Variants in DSCAM observed in about 807,000 individuals in gnomAD.
The protein encoded by DSCAM is DS cell adhesion molecule.
A neutral mutation model predicts 217.7 loss-of-function variants in DSCAM; 47 were observed. That is an observed-to-expected ratio of 0.22 (90% CI 0.17 to 0.28). DSCAM has a LOEUF of 0.28. Ranked by LOEUF, DSCAM falls within the 10% of genes least tolerant of loss-of-function variation. The pLI is 1.00. For missense variants in DSCAM, 2,080 were observed against 2,618.3 expected (o/e 0.79, Z 4.49); for synonymous variants, 1,056 against 1,015.3 (o/e 1.04, Z -0.76).
At chr21:40,655,911 G>C (rs768479174) in intron 3 of DSCAM, among the ~76,000 whole-genome samples, 11 of 152,090 alleles carry the variant, frequency 7.2e-5, no homozygotes, top group Admixed American at 1.3e-4. Context: ...AAATTAGCCA[G>C]GTGTGGTGGT....
chr21:40,814,154 G>C (rs931568279), intron 1 of DSCAM, among the ~76,000 whole-genome samples: 2 of 152,160 alleles, frequency 1.3e-5, no homozygotes, highest in Non-Finnish European at 2.9e-5. Flanking sequence ...AATGCAACTG[G>C]AGCATACTAA....
chr21:40,572,085 GGTGTGTGT>G (rs10553285), intron 3 of DSCAM, among the ~76,000 whole-genome samples: 4,917 of 148,562 alleles, frequency 0.033, 182 homozygotes, highest in African/African-American at 0.089. Flanking sequence ...TGTGTGTGTG[GGTGTGTGT>G]GTGTGTGTGT....
chr21:40,745,573 C>T (rs1346478609), intron 1 of DSCAM, among the ~76,000 whole-genome samples: 6 of 152,070 alleles, frequency 3.9e-5, no homozygotes, highest in African/African-American at 1.4e-4. Context: ...CCTTCAAACA[C>T]AATGGAGAGA....
At chr21:40,453,456 G>A (rs191866141) in intron 3 of DSCAM, among the ~76,000 whole-genome samples, 6 of 152,190 alleles carry the variant, frequency 3.9e-5, no homozygotes, top group Admixed American at 6.5e-5. Context: ...TGCACAAAAC[G>A]CCTGCAACAA....
At chr21:40,767,683 G>A (rs933907821) in intron 1 of DSCAM, among the ~76,000 whole-genome samples, 3 of 152,230 alleles carry the variant, frequency 2.0e-5, no homozygotes, top group Non-Finnish European at 4.4e-5. Flanking sequence ...TTGAATGCCA[G>A]ATGCAAATGA....
intron 3 of DSCAM, among the ~76,000 whole-genome samples, chr21:40,427,541 C>T (rs1284764359): frequency 6.6e-6 from 1 of 152,188 alleles, no homozygotes; most frequent in Non-Finnish European, 1.5e-5. Flanking sequence ...ACAATGCCCA[C>T]CTGCAGTCAA....
intron 3 of DSCAM, among the ~76,000 whole-genome samples, chr21:40,671,892 G>A (rs1356253434): frequency 6.6e-6 from 1 of 152,118 alleles, no homozygotes; most frequent in Non-Finnish European, 1.5e-5. Context: ...AGTCATCTTA[G>A]GCTGCTGCAA....
At chr21:40,529,140 G>A (rs1248437396) in intron 3 of DSCAM, among the ~76,000 whole-genome samples, 1 of 151,908 alleles carries the variant, frequency 6.6e-6, no homozygotes, top group Admixed American at 6.6e-5. Flanking sequence ...TCCTGACCTC[G>A]TGATCCGCCC....
intron 3 of DSCAM, among the ~76,000 whole-genome samples, chr21:40,626,620 C>G (rs2089604713): frequency 6.6e-6 from 1 of 152,212 alleles, no homozygotes; most frequent in Non-Finnish European, 1.5e-5. Context: ...TCCAGCCATG[C>G]TGTCTTTTTG....
intron 8 of DSCAM, among the ~76,000 whole-genome samples, chr21:40,318,385 C>T (rs895870336): frequency 6.6e-6 from 1 of 151,920 alleles, no homozygotes; most frequent in Admixed American, 6.6e-5. Context: ...GCAGACACTT[C>T]CAGGACTTAA....
chr21:40,158,200 C>CATT (rs2146752602), intron 16 of DSCAM, among the ~76,000 whole-genome samples: 1 of 152,178 alleles, frequency 6.6e-6, no homozygotes, highest in African/African-American at 2.4e-5. Context: ...GCCTGGGCAA[C>CATT]ATAGTGAGAC....
intron 1 of DSCAM, among the ~76,000 whole-genome samples, chr21:40,757,011 G>A (rs1326215035): frequency 6.6e-6 from 1 of 151,934 alleles, no homozygotes; most frequent in South Asian, 2.1e-4. Context: ...GTATGTGTGT[G>A]TATTTTATTT....
chr21:40,177,006 G>C (rs1479986679), intron 15 of DSCAM, among the ~76,000 whole-genome samples: 3 of 152,232 alleles, frequency 2.0e-5, no homozygotes, highest in Non-Finnish European at 4.4e-5. Context: ...GAAAAATGCT[G>C]TTTTCCCGAG....
intron 19 of DSCAM, among the ~76,000 whole-genome samples, chr21:40,125,071 T>A (rs1359268089): frequency 6.6e-6 from 1 of 152,092 alleles, no homozygotes; most frequent in Non-Finnish European, 1.5e-5. Context: ...TCCCTCACCC[T>A]AGTCATTTTG....
intron 11 of DSCAM, among the ~76,000 whole-genome samples, chr21:40,252,888 T>C (rs2073323771): frequency 6.6e-6 from 1 of 152,202 alleles, no homozygotes; most frequent in African/African-American, 2.4e-5. Flanking sequence ...CCTGGGTTAC[T>C]AGAGAGTGCT....
At chr21:40,516,207 T>C (rs2076298273) in intron 3 of DSCAM, among the ~76,000 whole-genome samples, 1 of 152,166 alleles carries the variant, frequency 6.6e-6, no homozygotes, top group Admixed American at 6.5e-5. Context: ...TTTTAATAAC[T>C]GCTTGGTTTT....
intron 3 of DSCAM, among the ~76,000 whole-genome samples, chr21:40,629,076 GGTGT>G (rs57351838): frequency 0.03 from 4,271 of 144,268 alleles, 93 homozygotes; most frequent in East Asian, 0.087. Context: ...GTGTGTGTGT[GGTGT>G]GTGTGTGTGT....
At chr21:40,814,645 G>A (rs1049537488) in intron 1 of DSCAM, among the ~76,000 whole-genome samples, 1 of 152,320 alleles carries the variant, frequency 6.6e-6, no homozygotes, top group East Asian at 1.9e-4. Flanking sequence ...TAATCATGAA[G>A]AAGAGCGGGA....
At position 40,479,324 on chromosome 21, in the gene DSCAM, T is replaced by C. The variant is rs143679632; in HGVS notation, c.509-110079A>G. Among the ~76,000 whole-genome samples, 414 of 152,320 alleles carry C rather than the reference T, an allele frequency of 2.7e-3. 1 individual carries two copies. Among genetic ancestry groups the C allele is most frequent in the African/African-American group, 9.6e-3 (398 of 41,562 alleles). On this transcript the variant is annotated intron_variant, in intron 3 of 32. Transcript: ENST00000400454. ...TGCTCAGGGAAGTACACAATCATCA[T>C]CATCATTAACGGTGCAGGGGTAACA... is the stretch of plus-strand genomic sequence containing the variant.
Sources: gnomAD v4.1 joint callset for allele counts (sites outside exome capture counted in the v4.1 genomes callset) on GRCh38, gnomAD v4.1.1 for gene constraint, MANE v1.5 for transcripts, NCBI Gene and HGNC (gene_info 2026-07-23, HGNC 2026-07-21) for gene names.